Variants in SSU72 observed in about 807,000 individuals in gnomAD.
SSU72 encodes RNA polymerase II subunit A C-terminal domain phosphatase SSU72.
A neutral mutation model predicts 22.7 loss-of-function variants in SSU72; 12 were observed. The ratio of observed to expected loss-of-function variants is 0.53; its 90% CI spans 0.34 to 0.86. The LOEUF is 0.86. Among genes scored for constraint, SSU72 ranks in the 40% least tolerant of loss-of-function variants. SSU72 has a pLI of 0.02. For synonymous variants in SSU72, 116 were observed against 98.3 expected (o/e 1.18, Z -1.06); for missense variants, 151 against 249.8 (o/e 0.60, Z 2.67).
intron 2 of SSU72, among the ~76,000 whole-genome samples, chr1:1,552,461 GTGAC>G: frequency 1.3e-5 from 2 of 152,326 alleles, no homozygotes; most frequent in East Asian, 3.9e-4. Context: ...ATGATCCGGT[GTGAC>G]TGACAGCACC....
At chr1:1,555,696 C>T (rs916707892) in intron 2 of SSU72, among the ~76,000 whole-genome samples, 2 of 152,212 alleles carry the variant, frequency 1.3e-5, no homozygotes, top group Non-Finnish European at 2.9e-5. Flanking sequence ...TCCATGTCAA[C>T]GTATCAAGAA....
At chr1:1,543,475 A>AG (rs1172594991) in intron 4 of SSU72, among the ~76,000 whole-genome samples, 3 of 152,192 alleles carry the variant, frequency 2.0e-5, no homozygotes, top group African/African-American at 7.2e-5. Flanking sequence ...AGGGCATTGC[A>AG]GGGGGGCCTC....
At chr1:1,562,030 T>G (rs1642600368) in intron 2 of SSU72, 1 of 152,226 alleles carries the variant, frequency 6.6e-6, no homozygotes, top group South Asian at 2.1e-4. Context: ...AGGAGGAGCT[T>G]CCGAATTCTG....
At chr1:1,555,573 G>A (rs980902371) in intron 2 of SSU72, among the ~76,000 whole-genome samples, 20 of 152,254 alleles carry the variant, frequency 1.3e-4, no homozygotes, top group African/African-American at 4.6e-4. Context: ...AGAAGGGCAC[G>A]GTGAGAAGAG....
chr1:1,557,784 T>A (rs937929526), intron 2 of SSU72, among the ~76,000 whole-genome samples: 1 of 152,036 alleles, frequency 6.6e-6, no homozygotes, highest in African/African-American at 2.4e-5. Flanking sequence ...GGTGACAGAC[T>A]GAGACTCCAT....
chr1:1,543,959 G>C lies in SSU72; in HGVS notation c.393C>G (p.Cys131Trp), dbSNP rs1372485597. 6.2e-7 allele frequency: 1 copy of C among 1,613,778 alleles called. No homozygotes were observed. The highest frequency in any genetic ancestry group is 8.5e-7 in the Non-Finnish European group (1 of 1,179,932). ...EDLNSREQETCQPVHVVNVDI... is the reference protein window; with the variant it reads ...EDLNSREQETWQPVHVVNVDI... ...CCACATTGACCACGTGCACAGGCTGGCAGGTCTCCTGTTCTCTGGAATTCA... is the reference window on the plus strand; with the variant it reads ...CCACATTGACCACGTGCACAGGCTGCCAGGTCTCCTGTTCTCTGGAATTCA... Residue 131 changes from cysteine (C) to tryptophan (W), a missense_variant, in exon 4 of 5, where the codon TGC (cysteine) becomes TGG (tryptophan). Transcript: ENST00000291386.
chr1:1,544,080 G>T (rs950887449), intron 3 of SSU72, 93 bp from the exon 4 acceptor site: 1 of 902,320 alleles, frequency 1.1e-6, no homozygotes, highest in Non-Finnish European at 1.7e-6. Flanking sequence ...CCGGCTGCAG[G>T]CCCAGCCCAG....
At chr1:1,544,069 G>T (rs906152402) in intron 3 of SSU72, 82 bp from the exon 4 acceptor site, 3 of 1,070,628 alleles carry the variant, frequency 2.8e-6, no homozygotes, top group African/African-American at 3.2e-5. Flanking sequence ...CCCCAGCTCT[G>T]CCGGCTGCAG....
chr1:1,545,265 C>T (rs1052592739), intron 2 of SSU72: 28 of 451,610 alleles, frequency 6.2e-5, no homozygotes, highest in Non-Finnish European at 9.7e-5. Flanking sequence ...GCCCGCAGGA[C>T]ACCCCCCGCC....
intron 2 of SSU72, among the ~76,000 whole-genome samples, chr1:1,556,617 G>A (rs1642524803): frequency 6.6e-6 from 1 of 152,144 alleles, no homozygotes; most frequent in Non-Finnish European, 1.5e-5. Context: ...CAGAACTCAG[G>A]AACCCCTCGA....
intron 2 of SSU72, among the ~76,000 whole-genome samples, chr1:1,555,403 T>C (rs1447772218): frequency 6.6e-6 from 1 of 152,162 alleles, no homozygotes; most frequent in African/African-American, 2.4e-5. Flanking sequence ...CTGACCCAGA[T>C]GCCAACAGCC....
chr1:1,551,951 C>T (rs1044789829), intron 2 of SSU72, among the ~76,000 whole-genome samples: 1 of 152,172 alleles, frequency 6.6e-6, no homozygotes, highest in Non-Finnish European at 1.5e-5. Flanking sequence ...AAGTCAGCCC[C>T]TAAACTCATC....
chr1:1,553,844 C>T (rs1642484353), intron 2 of SSU72, among the ~76,000 whole-genome samples: 1 of 151,054 alleles, frequency 6.6e-6, no homozygotes, highest in African/African-American at 2.4e-5. Context: ...GAGCAGGCCG[C>T]ATCTGAAGGA....
At chr1:1,567,177 A>C (rs759333652) in intron 1 of SSU72, among the ~76,000 whole-genome samples, 10 of 152,244 alleles carry the variant, frequency 6.6e-5, no homozygotes, top group Non-Finnish European at 1.0e-4. Flanking sequence ...TCCGAAGATG[A>C]GTAGAGGAAG....
intron 1 of SSU72, among the ~76,000 whole-genome samples, chr1:1,571,708 C>T (rs2100724566): frequency 6.6e-6 from 1 of 152,292 alleles, no homozygotes; most frequent in Admixed American, 6.5e-5. Context: ...ACTTGGTCAT[C>T]TTCAGTCATC....
intron 1 of SSU72, among the ~76,000 whole-genome samples, chr1:1,573,844 G>A (rs1642770254): frequency 6.6e-6 from 1 of 152,014 alleles, no homozygotes; most frequent in South Asian, 2.1e-4. Flanking sequence ...TTTGCTATGT[G>A]ACTGAACAAA....
chr1:1,573,739 G>A (rs758482274), intron 1 of SSU72, among the ~76,000 whole-genome samples: 3 of 152,176 alleles, frequency 2.0e-5, no homozygotes, highest in Admixed American at 6.5e-5. Flanking sequence ...GTTCACGTAG[G>A]TAACTTTGGA....
chr1:1,544,165 G>A (rs567236363), intron 3 of SSU72, among the ~76,000 whole-genome samples, 178 bp from the exon 4 acceptor site: 3 of 152,324 alleles, frequency 2.0e-5, no homozygotes, highest in South Asian at 2.1e-4. Flanking sequence ...CTGATGGTTC[G>A]AGGAAACCTG....
At chr1:1,559,959 G>T (rs1642567166) in intron 2 of SSU72, among the ~76,000 whole-genome samples, 1 of 152,172 alleles carries the variant, frequency 6.6e-6, no homozygotes, top group East Asian at 1.9e-4. Flanking sequence ...TCTCGACCTT[G>T]GGTGATCCGC....
Sources: gnomAD v4.1 joint callset for allele counts (sites outside exome capture counted in the v4.1 genomes callset) on GRCh38, gnomAD v4.1.1 for gene constraint, MANE v1.5 for transcripts, NCBI Gene and HGNC (gene_info 2026-07-23, HGNC 2026-07-21) for gene names.